GLCE: variants seen among roughly 807,000 people sequenced by gnomAD.
The protein encoded by GLCE is glucuronic acid epimerase.
A neutral mutation model predicts 47.9 loss-of-function variants in GLCE; 19 were observed. The observed-to-expected ratio is 0.40, with a 90% CI of 0.28 to 0.58. The LOEUF is 0.58. Ranked by LOEUF, GLCE falls within the 20% of genes least tolerant of loss-of-function variation. GLCE has a pLI of 0.48. For missense variants in GLCE, 556 were observed against 743.3 expected, an observed-to-expected ratio of 0.75 and a Z score of 2.93; for synonymous variants, 245 against 263.4, an observed-to-expected ratio of 0.93 and a Z score of 0.68.
intron 2 of GLCE, among the ~76,000 whole-genome samples, chr15:69,229,412 T>C (rs2052490395): frequency 6.6e-6 from 1 of 152,050 alleles, no homozygotes; most frequent in South Asian, 2.1e-4. Context: ...ATTACAAAGG[T>C]TTGAGTTTGG....
intron 1 of GLCE, among the ~76,000 whole-genome samples, chr15:69,194,947 G>C (rs1026186159): frequency 6.6e-6 from 1 of 152,062 alleles, no homozygotes; most frequent in Non-Finnish European, 1.5e-5. Context: ...TAATTACTGG[G>C]TGAGGTAATA....
At chr15:69,171,096 A>G (rs2051581398) in intron 1 of GLCE, among the ~76,000 whole-genome samples, 1 of 152,176 alleles carries the variant, frequency 6.6e-6, no homozygotes, top group African/African-American at 2.4e-5. Context: ...AAAATTATTC[A>G]TTTACTTAAA....
chr15:69,196,919 G>T, intron 1 of GLCE: 1 of 192,702 alleles, frequency 5.2e-6, no homozygotes, highest in South Asian at 1.0e-4. Flanking sequence ...TGACCAGCTT[G>T]GTGGTTGGAC....
At position 69,268,770 on chromosome 15, in the gene GLCE, A is replaced by G; in HGVS notation, c.1380A>G (p.Leu460=). ...AISTLVRAYL[L]TKDHIFLNSA... ...CTACATTAGTCAGGGCCTATCTGTT[A>G]ACAAAAGACCATATATTCCTCAATT... Residue 460 remains leucine (L), a synonymous_variant, in exon 5 of 5, where the codon TTA becomes TTG. Coordinates refer to ENST00000261858, the MANE Select transcript of GLCE (RefSeq NM_015554.3). 6.2e-7 allele frequency: 1 copy of G among 1,614,190 alleles called. No homozygotes were observed. Among genetic ancestry groups the G allele is most frequent in the Non-Finnish European group, 8.5e-7 (1 of 1,180,012 alleles).
chr15:69,212,518 T>G (rs1449410135), intron 2 of GLCE, among the ~76,000 whole-genome samples: 1 of 152,066 alleles, frequency 6.6e-6, no homozygotes, highest in Non-Finnish European at 1.5e-5. Flanking sequence ...ATATGTGTAC[T>G]TTAAAGACAG....
At chr15:69,172,131 A>G (rs1379498158) in intron 1 of GLCE, among the ~76,000 whole-genome samples, 1 of 152,200 alleles carries the variant, frequency 6.6e-6, no homozygotes, top group Admixed American at 6.5e-5. Flanking sequence ...TTAAAAGGGA[A>G]TTCAATTAAC....
chr15:69,179,250 GTATT>G (rs1376765432), intron 1 of GLCE, among the ~76,000 whole-genome samples: 1 of 152,160 alleles, frequency 6.6e-6, no homozygotes, highest in Non-Finnish European at 1.5e-5. Flanking sequence ...TACTGCTTGA[GTATT>G]TATTTCTTGT....
chr15:69,166,199 A>T (rs578028847), intron 1 of GLCE, among the ~76,000 whole-genome samples: 1 of 152,212 alleles, frequency 6.6e-6, no homozygotes, highest in East Asian at 1.9e-4. Flanking sequence ...ATTGCTTTAC[A>T]TACATTGCCA....
chr15:69,261,555 T>C (rs1486269344), intron 4 of GLCE, among the ~76,000 whole-genome samples: 1 of 152,164 alleles, frequency 6.6e-6, no homozygotes, highest in Admixed American at 6.5e-5. Context: ...AAGCCATAGA[T>C]TGAATGGTAA....
intron 4 of GLCE, among the ~76,000 whole-genome samples, chr15:69,267,913 A>G (rs1459088925): frequency 6.7e-6 from 1 of 148,502 alleles, no homozygotes; most frequent in African/African-American, 2.5e-5. Context: ...AGCTAGTACT[A>G]GATTTAGGAA....
intron 2 of GLCE, among the ~76,000 whole-genome samples, chr15:69,229,699 C>A: frequency 6.7e-6 from 1 of 148,908 alleles, no homozygotes; most frequent in African/African-American, 2.5e-5. Flanking sequence ...AATTACTTAC[C>A]CAACAATGAC....
intron 2 of GLCE, among the ~76,000 whole-genome samples, chr15:69,227,177 AGTAGACCATGT>A (rs962779072): frequency 2.0e-5 from 3 of 152,214 alleles, no homozygotes; most frequent in Non-Finnish European, 4.4e-5. Flanking sequence ...AATTTGAGTC[AGTAGACCATGT>A]GTAAGAGAGA....
intron 1 of GLCE, among the ~76,000 whole-genome samples, chr15:69,176,006 T>C (rs1486304569): frequency 6.6e-6 from 1 of 152,156 alleles, no homozygotes; most frequent in African/African-American, 2.4e-5. Flanking sequence ...CATTGTACTT[T>C]GTCATGTAAC....
At chr15:69,214,359 C>T (rs1255543694) in intron 2 of GLCE, among the ~76,000 whole-genome samples, 1 of 152,008 alleles carries the variant, frequency 6.6e-6, no homozygotes, top group Admixed American at 6.6e-5. Context: ...GGGGCAGTGT[C>T]CCCATGCATT....
chr15:69,210,962 G>T (rs1246014680), intron 2 of GLCE, among the ~76,000 whole-genome samples: 2 of 152,012 alleles, frequency 1.3e-5, no homozygotes, highest in Non-Finnish European at 2.9e-5. Context: ...CTGAAGCAGG[G>T]TATCTTATTC....
At position 69,255,839 on chromosome 15, in the gene GLCE, G is replaced by C. The variant is rs1310897049; in HGVS notation, c.33G>C (p.Lys11Asn). The change falls in exon 3 of 5, where the codon AAG becomes AAC. Residue 11 changes from lysine to asparagine, a missense_variant. Lys to Asn is a moderately conservative substitution (Grantham distance 94). Transcript: ENST00000261858. MRCLAARVNY[K>N]TLIIICALFT... ...GCTTGGCAGCTCGGGTCAACTATAA[G>C]ACTTTGATTATTATCTGCGCACTCT... The C allele has an allele frequency of 6.2e-7, 1 of 1,613,236 alleles. No homozygotes were observed. Among genetic ancestry groups the C allele is most frequent in the African/African-American group, 1.3e-5 (1 of 74,824 alleles).
chr15:69,174,719 T>C (rs1452226714), intron 1 of GLCE, among the ~76,000 whole-genome samples: 1 of 152,242 alleles, frequency 6.6e-6, no homozygotes, highest in Non-Finnish European at 1.5e-5. Flanking sequence ...TAAACCATTT[T>C]ATTCACTGTC....
rs2053115978 is a variant in GLCE at position 69,268,396 on chromosome 15, G to T, written c.1006G>T (p.Asp336Tyr). 1.9e-6 allele frequency: 3 copies of T among 1,613,958 alleles called. No individual in the cohort carries two copies. Among genetic ancestry groups the T allele is most frequent in the African/African-American group, 1.3e-5 (1 of 74,928 alleles). The change falls in exon 5 of 5, where the codon GAT becomes TAT. Residue 336 changes from aspartate (D) to tyrosine (Y), a missense_variant. Around this residue, in one of 3 missense-constraint regions of GLCE, gnomAD observed 245 missense variants for 368.1 expected, o/e 0.67. Transcript: ENST00000261858. Reference protein sequence around the residue: ...NAQLIAFKERDIYYGIGPRTS... With the variant: ...NAQLIAFKERYIYYGIGPRTS... Reference sequence around the variant, plus strand: ...TCAGCTAATTGCTTTTAAAGAAAGAGATATATACTATGGCATTGGGCCCAG... The same window carrying T: ...TCAGCTAATTGCTTTTAAAGAAAGATATATATACTATGGCATTGGGCCCAG...
chr15:69,205,125 C>G (rs1221566854), intron 1 of GLCE, among the ~76,000 whole-genome samples: 1 of 151,964 alleles, frequency 6.6e-6, no homozygotes, highest in Non-Finnish European at 1.5e-5. Flanking sequence ...TTCCTTAGCT[C>G]AAAAAACTCC....
Sources: gnomAD v4.1 joint callset for allele counts (sites outside exome capture counted in the v4.1 genomes callset) on GRCh38, gnomAD v4.1.1 for gene constraint, gnomAD v4.1.1 regional missense constraint, MANE v1.5 for transcripts, NCBI Gene and HGNC (gene_info 2026-07-23, HGNC 2026-07-21) for gene names.